Variants in CTNNA3 observed in about 807,000 individuals in gnomAD.
CTNNA3 encodes the protein catenin alpha-3.
A neutral mutation model predicts 95.7 loss-of-function variants in CTNNA3; 76 were observed. The ratio of observed to expected loss-of-function variants is 0.79; its 90% CI spans 0.66 to 0.96. CTNNA3 has a LOEUF of 0.96. Among genes scored for constraint, CTNNA3 ranks in the 40% least tolerant of loss-of-function variants. The pLI is 0.00. For missense variants in CTNNA3, 1,191 were observed against 1,089.8 expected (o/e 1.09, Z -1.31); for synonymous variants, 431 against 374.4 (o/e 1.15, Z -1.74).
chr10:67,508,986 C>T (rs1289135690), intron 5 of CTNNA3, among the ~76,000 whole-genome samples: 2 of 151,986 alleles, frequency 1.3e-5, no homozygotes, highest in East Asian at 3.9e-4. Flanking sequence ...AAGCAATTCT[C>T]TTGCCTCAGC....
At chr10:67,503,922 C>A (rs985239498) in intron 5 of CTNNA3, among the ~76,000 whole-genome samples, 3 of 152,102 alleles carry the variant, frequency 2.0e-5, no homozygotes, top group Non-Finnish European at 4.4e-5. Context: ...CTTTGGGAGG[C>A]CAAGGCGGGC....
At chr10:66,521,507 A>G (rs1012231994) in intron 10 of CTNNA3, among the ~76,000 whole-genome samples, 1 of 152,172 alleles carries the variant, frequency 6.6e-6, no homozygotes, top group Non-Finnish European at 1.5e-5. Context: ...GTGATTTCCC[A>G]TGGATATTCC....
chr10:66,928,306 AAG>A, intron 7 of CTNNA3: 3 of 1,614,146 alleles, frequency 1.9e-6, no homozygotes, highest in Non-Finnish European at 2.5e-6. Context: ...GCACAGGAAA[AAG>A]AAAAGACAGT....
At chr10:66,977,207 G>A (rs1371965606) in intron 7 of CTNNA3, among the ~76,000 whole-genome samples, 2 of 152,094 alleles carry the variant, frequency 1.3e-5, no homozygotes, top group Non-Finnish European at 2.9e-5. Flanking sequence ...GGGAGGCCGA[G>A]GCAGGTGGAT....
intron 17 of CTNNA3, among the ~76,000 whole-genome samples, chr10:65,950,821 G>T (rs952066856): frequency 6.6e-6 from 1 of 152,168 alleles, no homozygotes; most frequent in African/African-American, 2.4e-5. Context: ...TAACAGTAGA[G>T]ACTCTCACAT....
intron 1 of CTNNA3, among the ~76,000 whole-genome samples, chr10:67,723,504 A>C (rs1261351678): frequency 6.6e-6 from 1 of 151,862 alleles, no homozygotes; most frequent in Non-Finnish European, 1.5e-5. Context: ...ACATTGCCTA[A>C]GCTGGTTTCA....
intron 5 of CTNNA3, among the ~76,000 whole-genome samples, chr10:67,239,787 T>C (rs1865648944): frequency 6.6e-6 from 1 of 152,126 alleles, no homozygotes; most frequent in East Asian, 1.9e-4. Flanking sequence ...ACCCATGTCA[T>C]TAAGGGAAGA....
At chr10:67,012,087 C>T (rs567689881) in intron 7 of CTNNA3, among the ~76,000 whole-genome samples, 5 of 152,300 alleles carry the variant, frequency 3.3e-5, no homozygotes, top group African/African-American at 7.2e-5. Flanking sequence ...TCCGTAGATA[C>T]AAGTCAAACA....
intron 7 of CTNNA3, among the ~76,000 whole-genome samples, chr10:66,811,607 T>A (rs1841878427): frequency 6.6e-6 from 1 of 152,128 alleles, no homozygotes; most frequent in Non-Finnish European, 1.5e-5. Flanking sequence ...TGGCTCCCAC[T>A]CACAAAAATC....
At chr10:67,002,278 G>A (rs75180869) in intron 7 of CTNNA3, among the ~76,000 whole-genome samples, 12,799 of 151,974 alleles carry the variant, frequency 0.084, 764 homozygotes, top group South Asian at 0.27. Context: ...AACTGCCCTC[G>A]CCTTTGCCAA....
chr10:66,210,315 G>A (rs2088058921), intron 13 of CTNNA3, among the ~76,000 whole-genome samples: 1 of 150,364 alleles, frequency 6.7e-6, no homozygotes, highest in Non-Finnish European at 1.5e-5. Context: ...ATTTACTAAG[G>A]CAAACGAGAT....
intron 5 of CTNNA3, among the ~76,000 whole-genome samples, chr10:67,262,193 A>G (rs1866644817): frequency 6.6e-6 from 1 of 152,202 alleles, no homozygotes; most frequent in Non-Finnish European, 1.5e-5. Flanking sequence ...TTTCACGTAT[A>G]ATAGGATGAA....
At position 67,205,024 on chromosome 10, in the gene CTNNA3, T is replaced by G. The variant is rs1056482753; in HGVS notation, c.843+14583A>C. On this transcript the variant is annotated intron_variant, in intron 6 of 17. Transcript: ENST00000433211. ...TTGTGACCTCCAGAATAATGGCTGG[T>G]AATTGTTTATGTCTACACCTTAGCA... 3.9e-5 allele frequency among the ~76,000 whole-genome samples: 6 copies of G among 152,308 alleles called. No individual in the cohort carries two copies. In the South Asian group the frequency reaches 1.2e-3, roughly 32 times the overall value.
At chr10:67,543,904 GGAT>G (rs1840759306) in intron 3 of CTNNA3, among the ~76,000 whole-genome samples, 1 of 151,996 alleles carries the variant, frequency 6.6e-6, no homozygotes, top group Non-Finnish European at 1.5e-5. Context: ...GAAGAGAGGA[GGAT>G]GACCTCAATT....
chr10:67,282,868 G>T (rs1048275600), intron 5 of CTNNA3, among the ~76,000 whole-genome samples: 2 of 152,060 alleles, frequency 1.3e-5, no homozygotes, highest in Non-Finnish European at 2.9e-5. Flanking sequence ...CCATTCTCCC[G>T]CAAGGCTAGC....
chr10:67,057,574 T>C (rs907093610), intron 7 of CTNNA3, among the ~76,000 whole-genome samples: 3 of 152,296 alleles, frequency 2.0e-5, no homozygotes, highest in Non-Finnish European at 4.4e-5. Context: ...GGTTTATCCA[T>C]GTTGTCTCAA....
intron 8 of CTNNA3, 24 bp downstream of exon 8, chr10:66,775,420 C>G: frequency 6.6e-7 from 1 of 1,519,958 alleles, no homozygotes; most frequent in Non-Finnish European, 9.1e-7. Context: ...ATGTTTCTGA[C>G]TCCATATCTC....
At chr10:66,926,996 T>A in intron 7 of CTNNA3, 1 of 1,614,180 alleles carries the variant, frequency 6.2e-7, no homozygotes, top group Non-Finnish European at 8.5e-7. Context: ...CTGACAATGC[T>A]TTCTTCTGCC....
At chr10:66,876,633 C>T (rs1454419978) in intron 7 of CTNNA3, among the ~76,000 whole-genome samples, 1 of 151,932 alleles carries the variant, frequency 6.6e-6, no homozygotes, top group African/African-American at 2.4e-5. Context: ...GAAATCTGGG[C>T]CTTATTAGAA....
Sources: allele counts gnomAD v4.1 joint callset (sites outside exome capture counted in the v4.1 genomes callset), GRCh38; gene constraint gnomAD v4.1.1; transcripts MANE v1.5; gene names NCBI Gene and HGNC (gene_info 2026-07-23, HGNC 2026-07-21).